Variants in PCSK5 observed in about 807,000 individuals in gnomAD.
PCSK5 encodes the protein prohormone convertase 5.
Under a neutral mutation model 233.2 loss-of-function variants are expected in PCSK5, and 129 were observed. The ratio of observed to expected loss-of-function variants is 0.55; its 90% CI spans 0.48 to 0.64. The LOEUF is 0.64. PCSK5 is among the 30% of genes least tolerant of loss of function. PCSK5 has a pLI of 0.00. For synonymous variants in PCSK5, 825 were observed against 879.2 expected (o/e 0.94, Z 1.09); for missense variants, 2,076 against 2,430.1 (o/e 0.85, Z 3.06).
upstream of PCSK5, among the ~76,000 whole-genome samples, chr9:75,890,444 C>T (rs770732618): frequency 1.4e-4 from 22 of 152,078 alleles, no homozygotes; most frequent in Non-Finnish European, 2.6e-4. Flanking sequence ...GGGAGTAAAA[C>T]CACGATCTCG....
intron 26 of PCSK5, among the ~76,000 whole-genome samples, chr9:76,295,988 T>C (rs889668086): frequency 6.6e-6 from 1 of 152,254 alleles, no homozygotes; most frequent in Non-Finnish European, 1.5e-5. Flanking sequence ...ATTTATTTTA[T>C]TTGTAATTTT....
chr9:76,338,490 G>A, intron 35 of PCSK5, 43 bp downstream of exon 35: 2 of 1,413,168 alleles, frequency 1.4e-6, no homozygotes, highest in Non-Finnish European at 2.0e-6. Flanking sequence ...GTAGAAAAAT[G>A]AAAAGGTTTT....
chr9:76,316,349 C>G (rs77698664), intron 30 of PCSK5, among the ~76,000 whole-genome samples: 1 of 151,870 alleles, frequency 6.6e-6, no homozygotes, highest in African/African-American at 2.4e-5. Context: ...TGAGGTTAGC[C>G]GAAGAGAAAG....
rs190936542 is a variant in PCSK5 at position 75,916,908 on chromosome 9, C to T, written c.193-15471C>T. ...AAGCAGGGCCAGGCGAGGTGGCTCA[C>T]GCCTGTAATCCCAGCACTTTGGGAG... On this transcript the variant is annotated intron_variant, in intron 1 of 37. Coordinates refer to ENST00000674117, the MANE Select transcript of PCSK5 (RefSeq NM_001372043.1). 1.0e-3 allele frequency among the ~76,000 whole-genome samples: 153 copies of T among 152,156 alleles called. 1 individual carries two copies. The highest frequency in any genetic ancestry group is 3.4e-3 in the African/African-American group (141 of 41,524).
At chr9:76,193,333 C>T in intron 20 of PCSK5, 1 of 1,610,700 alleles carries the variant, frequency 6.2e-7, no homozygotes, top group Non-Finnish European at 8.5e-7. Flanking sequence ...TGCTGCAAAA[C>T]ATGTACATTT....
intron 7 of PCSK5, among the ~76,000 whole-genome samples, chr9:76,073,043 C>T (rs1830532319): frequency 6.6e-6 from 1 of 152,198 alleles, no homozygotes; most frequent in South Asian, 2.1e-4. Context: ...ATGGGCTTTG[C>T]AAAACCTAGA....
At chr9:76,195,355 G>GTGAT (rs1359537631) in intron 20 of PCSK5, 7 of 152,162 alleles carry the variant, frequency 4.6e-5, no homozygotes, top group South Asian at 2.1e-4. Flanking sequence ...CGAGGTTACT[G>GTGAT]TGATTGATAG....
At chr9:76,100,019 CTT>C (rs1365696005) in intron 8 of PCSK5, among the ~76,000 whole-genome samples, 6 of 152,176 alleles carry the variant, frequency 3.9e-5, no homozygotes, top group Admixed American at 2.6e-4. Context: ...GACAAAATGA[CTT>C]TTCATGATAC....
intron 1 of PCSK5, among the ~76,000 whole-genome samples, chr9:75,923,299 G>A (rs1367749114): frequency 6.6e-6 from 1 of 152,142 alleles, no homozygotes; most frequent in East Asian, 1.9e-4. Flanking sequence ...TAGACGTAAC[G>A]TAGGGAAAGC....
In PCSK5 at chr9:76,323,212, G is replaced by T. The variant is rs768105476; in HGVS notation, c.4263G>T (p.Trp1421Cys). The change falls in exon 32 of 38, where the codon TGG (tryptophan) becomes TGT (cysteine). Residue 1421 changes from tryptophan to cysteine, a missense_variant. Transcript: ENST00000674117. ...DDCELCLESS[W>C]VLYDGLCLEE... ...GCGAGCTCTGTCTTGAGAGTTCCTGGGTCCTCTATGATGGACTGTGCTTGG... is the reference window on the plus strand; with the variant it reads ...GCGAGCTCTGTCTTGAGAGTTCCTGTGTCCTCTATGATGGACTGTGCTTGG... 36 of 1,612,548 alleles carry T rather than the reference G, an allele frequency of 2.2e-5. No individual in the cohort carries two copies. The highest frequency in any genetic ancestry group is 2.9e-5 in the Non-Finnish European group (34 of 1,179,820).
intron 5 of PCSK5, among the ~76,000 whole-genome samples, chr9:76,067,736 A>G (rs1329792745): frequency 6.6e-6 from 1 of 152,248 alleles, no homozygotes; most frequent in East Asian, 1.9e-4. Flanking sequence ...CGGTTGGGAA[A>G]GCAAGATATG....
chr9:76,001,512 T>C (rs1346576673), intron 3 of PCSK5, among the ~76,000 whole-genome samples: 1 of 147,128 alleles, frequency 6.8e-6, no homozygotes, highest in East Asian at 2.1e-4. Context: ...TAGTTTATGC[T>C]CTCTCTACTG....
chr9:76,132,697 G>A (rs1371974352), intron 9 of PCSK5, among the ~76,000 whole-genome samples: 1 of 151,968 alleles, frequency 6.6e-6, no homozygotes, highest in Non-Finnish European at 1.5e-5. Flanking sequence ...TATGCACCAG[G>A]CACAAGGTTA....
At chr9:76,257,300 G>GA (rs368573234) in intron 24 of PCSK5, among the ~76,000 whole-genome samples, 7 of 150,162 alleles carry the variant, frequency 4.7e-5, no homozygotes, top group Admixed American at 2.0e-4. Context: ...TGGTTGAGGA[G>GA]AAAAAAAAAA....
intron 1 of PCSK5, among the ~76,000 whole-genome samples, chr9:75,923,343 G>A (rs1182183754): frequency 6.6e-6 from 1 of 152,128 alleles, no homozygotes; most frequent in Non-Finnish European, 1.5e-5. Flanking sequence ...TAGTAGTCAT[G>A]TCAATTACAC....
intron 5 of PCSK5, among the ~76,000 whole-genome samples, chr9:76,042,814 A>C (rs2792224): frequency 6.6e-6 from 1 of 152,108 alleles, no homozygotes; most frequent in Non-Finnish European, 1.5e-5. Context: ...TATTAGCACA[A>C]TCACATAGTG....
chr9:76,333,143 A>C (rs973918689), intron 34 of PCSK5, among the ~76,000 whole-genome samples: 1 of 152,212 alleles, frequency 6.6e-6, no homozygotes, highest in Non-Finnish European at 1.5e-5. Context: ...GCACCACTGC[A>C]CTCCAGCCTC....
chr9:76,160,387 A>G (rs1283023590), intron 12 of PCSK5, among the ~76,000 whole-genome samples: 2 of 152,198 alleles, frequency 1.3e-5, no homozygotes, highest in Admixed American at 6.5e-5. Context: ...CCTCGTTCTC[A>G]TGGTGGTTCT....
chr9:76,254,139 C>T (rs906466069), intron 24 of PCSK5, among the ~76,000 whole-genome samples: 8 of 152,088 alleles, frequency 5.3e-5, no homozygotes, highest in South Asian at 2.1e-4. Context: ...CTCCTGCTTA[C>T]GTATTTTTGG....
Sources: allele counts gnomAD v4.1 joint callset (sites outside exome capture counted in the v4.1 genomes callset), GRCh38; gene constraint gnomAD v4.1.1; transcripts MANE v1.5; gene names NCBI Gene and HGNC (gene_info 2026-07-23, HGNC 2026-07-21).